Variants in P2RX3 observed in about 807,000 individuals in gnomAD.
P2RX3 encodes purinergic receptor P2X 3.
A neutral mutation model predicts 51.5 loss-of-function variants in P2RX3; 41 were observed. The ratio of observed to expected loss-of-function variants is 0.80; its 90% CI spans 0.62 to 1.03. P2RX3 has a LOEUF of 1.03. Among genes scored for constraint, P2RX3 ranks in the 50% least tolerant of loss-of-function variants. The pLI, the probability that P2RX3 is intolerant of heterozygous loss-of-function variation, is 0.00. For missense variants in P2RX3, 459 were observed against 522.1 expected (o/e 0.88, Z 1.18); for synonymous variants, 185 against 191.6 (o/e 0.97, Z 0.29).
intron 1 of P2RX3, among the ~76,000 whole-genome samples, chr11:57,345,621 T>C (rs955338310): frequency 1.3e-5 from 2 of 152,098 alleles, no homozygotes; most frequent in Admixed American, 6.6e-5. Flanking sequence ...AGGGCTGTGA[T>C]TGGCGATTTC....
At position 57,353,185 on chromosome 11, in the gene P2RX3, C is replaced by T. The variant is rs1006997380; in HGVS notation, c.842+2287C>T. 3.3e-5 allele frequency among the ~76,000 whole-genome samples: 5 copies of T among 152,178 alleles called. No individual in the cohort carries two copies. In the East Asian group the frequency reaches 5.8e-4, roughly 18 times the overall value. ...AAGGGTCACAAAGCCAGGTTCAGTG[C>T]GGGTCACAGTGCACTTTCTATGATA... is the stretch of plus-strand genomic sequence containing the variant. On this transcript the variant is annotated intron_variant, in intron 8 of 11. Transcript: ENST00000263314.
upstream of P2RX3, among the ~76,000 whole-genome samples, chr11:57,337,329 A>AAAAGG (rs1554965262): frequency 2.7e-3 from 212 of 77,272 alleles, 3 homozygotes; most frequent in Admixed American, 3.6e-3. Context: ...AAGAAAAAAA[A>AAAAGG]AAGGAAGGGA....
At chr11:57,338,693 C>A in intron 1 of P2RX3, 24 bp downstream of exon 1, 1 of 1,529,520 alleles carries the variant, frequency 6.5e-7, no homozygotes, top group South Asian at 1.2e-5. Flanking sequence ...CTTTCAGGTT[C>A]CTGGCGGGGT....
At position 57,370,304 on chromosome 11, in the gene P2RX3, A is replaced by G. The variant is rs1856865479; in HGVS notation, c.*307A>G. The G allele has an allele frequency of 3.1e-6, 1 of 318,682 alleles. No individual in the cohort carries two copies. Among genetic ancestry groups the G allele is most frequent in the Non-Finnish European group, 5.8e-6 (1 of 173,136 alleles). 19.7% of individuals were successfully genotyped at this position (318,682 alleles called of 1,614,324 possible). ...TTATAATGTAGGACAGATGGCCACA[A>G]GGGCCTACCAAGTGCCAGGCACTTT... On this transcript the variant is annotated 3_prime_UTR_variant, in exon 12 of 12. Transcript: ENST00000263314.
At chr11:57,343,113 C>A (rs906434098) in intron 1 of P2RX3, among the ~76,000 whole-genome samples, 1 of 152,246 alleles carries the variant, frequency 6.6e-6, no homozygotes, top group African/African-American at 2.4e-5. Context: ...GGAAATGAAG[C>A]ATCCCCTTCT....
intron 5 of P2RX3, 155 bp from the exon 6 acceptor site, chr11:57,348,472 A>G: frequency 1.4e-6 from 1 of 715,032 alleles, no homozygotes; most frequent in Non-Finnish European, 2.3e-6. Context: ...ACTCAGGCAC[A>G]GACAGCCCCT....
rs761119353 is a variant in P2RX3 at position 57,348,716 on chromosome 11, C to G, written c.563+12C>G. 5.0e-6 allele frequency: 8 copies of G among 1,607,360 alleles called. No homozygotes were observed. Among genetic ancestry groups the G allele is most frequent in the Non-Finnish European group, 6.8e-6 (8 of 1,175,272 alleles). ...TTCAACTTTGAGAAGTGAGTCCCCA[C>G]TCCTTCCCTAAAGCCAAGATGCAGG... On this transcript the variant is annotated intron_variant, in intron 6 of 11. Coordinates refer to ENST00000263314, the MANE Select transcript of P2RX3 (RefSeq NM_002559.5).
rs1565066072 is a variant in P2RX3, at chr11:57,350,743, A to ACCCGG, written c.706-14_706-10dup. On this transcript the variant is annotated intron_variant, in intron 7 of 11. Transcript: ENST00000263314. ...GTCAGAGGGCGAGGGGAAAGCTCAT[A>ACCCGG]CCCGGCCCGTTTCTTCAGGGGGGAG... is the stretch of plus-strand genomic sequence containing the variant. 11 of 1,613,188 alleles carry ACCCGG rather than the reference A, an allele frequency of 6.8e-6. No individual in the cohort carries two copies. Among genetic ancestry groups the ACCCGG allele is most frequent in the Non-Finnish European group, 7.6e-6 (9 of 1,179,704 alleles).
intron 8 of P2RX3, among the ~76,000 whole-genome samples, chr11:57,367,624 G>A (rs1412416797): frequency 6.6e-6 from 1 of 152,168 alleles, no homozygotes; most frequent in African/African-American, 2.4e-5. Context: ...GGGAAGCTGA[G>A]GCAGGAGAAT....
At chr11:57,365,195 T>C (rs1365356800) in intron 8 of P2RX3, among the ~76,000 whole-genome samples, 2 of 152,102 alleles carry the variant, frequency 1.3e-5, no homozygotes, top group Admixed American at 6.5e-5. Context: ...GTAGGTAACC[T>C]GAGGGGAAAC....
intron 8 of P2RX3, among the ~76,000 whole-genome samples, chr11:57,366,113 C>T: frequency 6.6e-6 from 1 of 152,196 alleles, no homozygotes; most frequent in East Asian, 1.9e-4. Flanking sequence ...TCCAAAGTTA[C>T]TGGCATCAGG....
chr11:57,357,780 G>T (rs951808305), intron 8 of P2RX3, among the ~76,000 whole-genome samples: 1 of 152,060 alleles, frequency 6.6e-6, no homozygotes, highest in East Asian at 1.9e-4. Flanking sequence ...TAAGGATGTT[G>T]CCCCACCCTG....
Position 57,348,718 on chromosome 11 carries a change from C to T in P2RX3, c.563+14C>T. ...CAACTTTGAGAAGTGAGTCCCCACT[C>T]CTTCCCTAAAGCCAAGATGCAGGCA... On this transcript the variant is annotated intron_variant, in intron 6 of 11. Coordinates refer to ENST00000263314, the MANE Select transcript of P2RX3 (RefSeq NM_002559.5). 1.2e-6 allele frequency: 2 copies of T among 1,605,672 alleles called. No individual in the cohort carries two copies. The highest frequency in any genetic ancestry group is 1.7e-6 in the Non-Finnish European group (2 of 1,173,888).
At chr11:57,367,896 CGTAA>C (rs1035516302) in intron 8 of P2RX3, 109 bp from the exon 9 acceptor site, 7 of 773,262 alleles carry the variant, frequency 9.1e-6, no homozygotes, top group Non-Finnish European at 1.3e-5. Context: ...CTCAGCAAAC[CGTAA>C]GTAAGGGTTG....
At chr11:57,353,849 G>A (rs372023414) in intron 8 of P2RX3, among the ~76,000 whole-genome samples, 15 of 48,604 alleles carry the variant, frequency 3.1e-4, no homozygotes, top group South Asian at 6.9e-4. Flanking sequence ...CCCCCCCCCC[G>A]CCCCTATTTT....
rs1305039000 is a variant in P2RX3 at position 57,347,499 on chromosome 11, A to C, written c.391+21A>C. ...TGGGGGTGAGTCCAGCCCCTTACCC[A>C]CCCCACAATCCCAAGTGTTAGTGGG... On this transcript the variant is annotated intron_variant, in intron 4 of 11. Coordinates refer to ENST00000263314, the MANE Select transcript of P2RX3 (RefSeq NM_002559.5). 10 of 1,551,752 alleles carry C rather than the reference A, an allele frequency of 6.4e-6. No individual in the cohort carries two copies. In the South Asian group the frequency reaches 1.2e-4, roughly 18 times the overall value.
intron 8 of P2RX3, 112 bp from the exon 9 acceptor site, chr11:57,367,897 G>GT: frequency 1.3e-6 from 1 of 779,472 alleles, no homozygotes; most frequent in Non-Finnish European, 2.2e-6. Flanking sequence ...TCAGCAAACC[G>GT]TAAGTAAGGG....
intron 8 of P2RX3, among the ~76,000 whole-genome samples, chr11:57,354,103 G>T (rs1422118698): frequency 6.6e-6 from 1 of 152,126 alleles, no homozygotes; most frequent in East Asian, 1.9e-4. Flanking sequence ...GACACTGGGG[G>T]ATATCTGATC....
In P2RX3 at chr11:57,350,528, C is replaced by G. The variant is rs1377771157; in HGVS notation, c.706-234C>G. On this transcript the variant is annotated intron_variant, in intron 7 of 11. Transcript: ENST00000263314. ...CGATCTCCTGACCTCGTGATCCGCC[C>G]GCCTCGGCCTCCCAAAGTGCTGGGA... is the stretch of plus-strand genomic sequence containing the variant. 3 of 469,246 alleles carry G rather than the reference C, an allele frequency of 6.4e-6. No homozygotes were observed. In the East Asian group the frequency reaches 1.2e-4, roughly 18 times the overall value. 29.1% of individuals were successfully genotyped at this position (469,246 alleles called of 1,614,324 possible).
Sources: allele counts gnomAD v4.1 joint callset (sites outside exome capture counted in the v4.1 genomes callset), GRCh38; gene constraint gnomAD v4.1.1; transcripts MANE v1.5; gene names NCBI Gene and HGNC (gene_info 2026-07-23, HGNC 2026-07-21).